Variants in RBMS3 observed in about 807,000 individuals in gnomAD.
RBMS3 encodes RNA-binding motif, single-stranded-interacting protein 3.
In RBMS3, 27 loss-of-function variants were observed where a neutral mutation model predicts 66.8. That is an observed-to-expected ratio of 0.40 (90% CI 0.30 to 0.56). The LOEUF (loss-of-function observed/expected upper bound fraction) is 0.56, where lower values mean the gene tolerates loss of function less well. RBMS3 is among the 20% of genes least tolerant of loss of function. RBMS3 has a pLI of 0.40. For synonymous variants in RBMS3, 188 were observed against 183.0 expected, an observed-to-expected ratio of 1.03 and a Z score of -0.22; for missense variants, 513 against 549.5, an observed-to-expected ratio of 0.93 and a Z score of 0.66.
At chr3:29,897,568 A>G (rs1468176566) in intron 9 of RBMS3, 93 bp downstream of exon 9, 9 of 1,130,964 alleles carry the variant, frequency 8.0e-6, no homozygotes, top group African/African-American at 1.6e-5. Context: ...GAAAAGAAAA[A>G]AATTCTCATA....
At chr3:29,931,498 A>G (rs1239596876) in intron 10 of RBMS3, among the ~76,000 whole-genome samples, 1 of 152,210 alleles carries the variant, frequency 6.6e-6, no homozygotes. Context: ...TTAAAGTTGG[A>G]CTGCACTACT....
At chr3:29,502,706 C>A (rs1294203589) in intron 3 of RBMS3, among the ~76,000 whole-genome samples, 3 of 152,122 alleles carry the variant, frequency 2.0e-5, no homozygotes, top group African/African-American at 7.2e-5. Flanking sequence ...TTTCTGCTAA[C>A]TTCAATTTTG....
chr3:29,413,367 CT>C (rs2040349833), intron 1 of RBMS3, among the ~76,000 whole-genome samples: 1 of 143,978 alleles, frequency 6.9e-6, no homozygotes, highest in Non-Finnish European at 1.5e-5. Flanking sequence ...GAAACTCCAT[CT>C]CATTCATACA....
intron 1 of RBMS3, among the ~76,000 whole-genome samples, chr3:29,368,459 G>A (rs149539862): frequency 9.9e-5 from 15 of 151,938 alleles, no homozygotes; most frequent in Non-Finnish European, 1.6e-4. Context: ...GCACTTAATA[G>A]GTATTCGGTA....
chr3:29,374,903 T>C (rs1459665302), intron 1 of RBMS3, among the ~76,000 whole-genome samples: 4 of 152,238 alleles, frequency 2.6e-5, no homozygotes, highest in South Asian at 2.1e-4. Context: ...AATGAGGTGC[T>C]ACTGCACATT....
At chr3:29,468,667 A>G (rs559838074) in intron 2 of RBMS3, among the ~76,000 whole-genome samples, 2 of 152,084 alleles carry the variant, frequency 1.3e-5, no homozygotes, top group African/African-American at 4.8e-5. Flanking sequence ...GGATTATTTC[A>G]TACTCTCCTA....
chr3:29,440,091 A>C (rs1270252516), intron 2 of RBMS3, among the ~76,000 whole-genome samples: 1 of 152,192 alleles, frequency 6.6e-6, no homozygotes, highest in Non-Finnish European at 1.5e-5. Flanking sequence ...CCTTCCAAGA[A>C]ATTGGTAACT....
intron 1 of RBMS3, among the ~76,000 whole-genome samples, chr3:29,378,844 A>G (rs1191515827): frequency 1.4e-5 from 2 of 142,330 alleles, no homozygotes; most frequent in Non-Finnish European, 1.5e-5. Flanking sequence ...AATTAAAACA[A>G]AAAAATATAT....
intron 4 of RBMS3, among the ~76,000 whole-genome samples, chr3:29,676,799 C>G (rs1012961648): frequency 6.6e-6 from 1 of 152,086 alleles, no homozygotes; most frequent in Non-Finnish European, 1.5e-5. Context: ...GGGTGTAAAA[C>G]ACATGCCATT....
At chr3:29,756,164 C>G (rs1440594325) in intron 5 of RBMS3, among the ~76,000 whole-genome samples, 1 of 152,022 alleles carries the variant, frequency 6.6e-6, no homozygotes, top group Non-Finnish European at 1.5e-5. Flanking sequence ...TTTCTGACAT[C>G]AAATACCTTA....
intron 4 of RBMS3, among the ~76,000 whole-genome samples, chr3:29,721,971 G>C (rs1314689200): frequency 6.6e-6 from 1 of 152,070 alleles, no homozygotes; most frequent in Non-Finnish European, 1.5e-5. Flanking sequence ...AATAAACACT[G>C]TCCAAGGTAC....
At chr3:29,465,097 T>C (rs185708143) in intron 2 of RBMS3, among the ~76,000 whole-genome samples, 2 of 152,282 alleles carry the variant, frequency 1.3e-5, no homozygotes, top group East Asian at 3.9e-4. Context: ...TCTAGTGCAA[T>C]CTCATTTCTC....
chr3:29,801,182 G>A (rs1014029915), intron 6 of RBMS3, among the ~76,000 whole-genome samples: 1 of 151,990 alleles, frequency 6.6e-6, no homozygotes, highest in Non-Finnish European at 1.5e-5. Flanking sequence ...TGTTGACACA[G>A]CAATGGGGGT....
chr3:29,779,726 A>ATATATATATATATATATAT, intron 6 of RBMS3, among the ~76,000 whole-genome samples: 1 of 65,974 alleles, frequency 1.5e-5, no homozygotes, highest in Non-Finnish European at 4.2e-5. Context: ...TATATATATA[A>ATATATATATATATATATAT]ACAACCCCAA....
At position 29,668,798 on chromosome 3, in the gene RBMS3, A is replaced by G. The variant is rs546900546; in HGVS notation, c.400-70922A>G. Among the ~76,000 whole-genome samples the G allele has an allele frequency of 9.8e-5, 15 of 152,328 alleles. 1 individual carries two copies. The East Asian group carries it at 1.4e-3, about 14-fold the overall frequency. ...ATCCTTTTGCCTGTGCTATTTTTTG[A>G]AATTTTAATACTTTTCAGTTATATA... is the stretch of plus-strand genomic sequence containing the variant. On this transcript the variant is annotated intron_variant, in intron 4 of 14. Coordinates refer to ENST00000383767, the MANE Select transcript of RBMS3 (RefSeq NM_001003793.3).
At chr3:29,793,893 G>C (rs1489282327) in intron 6 of RBMS3, among the ~76,000 whole-genome samples, 3 of 152,172 alleles carry the variant, frequency 2.0e-5, no homozygotes, top group Non-Finnish European at 4.4e-5. Flanking sequence ...CATGGAAGTG[G>C]CTCTCTCATG....
intron 4 of RBMS3, among the ~76,000 whole-genome samples, chr3:29,684,064 T>A (rs183002520): frequency 6.6e-6 from 1 of 152,314 alleles, no homozygotes; most frequent in Non-Finnish European, 1.5e-5. Context: ...ACCAATTAAT[T>A]ATTCACACCA....
intron 3 of RBMS3, among the ~76,000 whole-genome samples, chr3:29,563,471 T>G (rs914553986): frequency 1.3e-5 from 2 of 152,158 alleles, no homozygotes; most frequent in African/African-American, 4.8e-5. Flanking sequence ...ACTGTAGAGA[T>G]TCAACAGCTA....
chr3:29,740,042 A>G (rs538358790), intron 5 of RBMS3, 165 bp downstream of exon 5: 1 of 496,900 alleles, frequency 2.0e-6, no homozygotes, highest in Admixed American at 3.9e-5. Flanking sequence ...GCTTGGAGCT[A>G]AATAATTTCA....
Sources: gnomAD v4.1 joint callset for allele counts (sites outside exome capture counted in the v4.1 genomes callset) on GRCh38, gnomAD v4.1.1 for gene constraint, MANE v1.5 for transcripts, NCBI Gene and HGNC (gene_info 2026-07-23, HGNC 2026-07-21) for gene names.